The following PCDHA13 variants were observed in gnomAD, a reference collection of about 807,000 sequenced individuals.
PCDHA13 encodes the protein protocadherin alpha-13.
PCDHA13 carries 54 observed loss-of-function variants against 64.8 expected under a neutral mutation model. The observed-to-expected ratio is 0.83, with a 90% CI of 0.67 to 1.04. PCDHA13 has a LOEUF of 1.04. Ranked by LOEUF, PCDHA13 falls within the 50% of genes least tolerant of loss-of-function variation. The pLI, the probability that PCDHA13 is intolerant of heterozygous loss-of-function variation, is 0.00. For synonymous variants in PCDHA13, 587 were observed against 564.4 expected (o/e 1.04, Z -0.57); for missense variants, 1,248 against 1,254.3 (o/e 0.99, Z 0.08).
intron 1 of PCDHA13, among the ~76,000 whole-genome samples, chr5:140,961,185 G>T (rs2095595656): frequency 6.6e-6 from 1 of 152,100 alleles, no homozygotes; most frequent in Non-Finnish European, 1.5e-5. Context: ...ACTCCTCACA[G>T]GACCCTAGTG....
At chr5:140,926,938 G>C in intron 1 of PCDHA13, 1 of 1,581,492 alleles carries the variant, frequency 6.3e-7, no homozygotes. Context: ...GGTTTCCTGC[G>C]GCGCTGCAGC....
intron 1 of PCDHA13, among the ~76,000 whole-genome samples, chr5:140,949,308 G>T (rs1323575169): frequency 6.6e-6 from 1 of 151,722 alleles, no homozygotes; most frequent in African/African-American, 2.4e-5. Flanking sequence ...TGGGTGTAAT[G>T]ATTTATAAAT....
chr5:140,905,632 G>A lies in PCDHA13; in HGVS notation c.2394+20970G>A, dbSNP rs146826869. 9.9e-4 allele frequency among the ~76,000 whole-genome samples: 150 copies of A among 152,224 alleles called. 1 individual carries two copies. Among genetic ancestry groups the A allele is most frequent in the African/African-American group, 3.4e-3 (141 of 41,546 alleles). ...TCTATAGATTGCTTTTGACAGTATG[G>A]TCAGTTTCACAGTATTGATTCCTGT... On this transcript the variant is annotated intron_variant, in intron 1 of 3. Transcript: ENST00000289272.
rs556069691 is a variant in PCDHA13 at position 140,951,526 on chromosome 5, G to A, written c.2395-27423G>A. Among the ~76,000 whole-genome samples the A allele has an allele frequency of 7.4e-4, 112 of 152,076 alleles. 1 individual carries two copies. The highest frequency in any genetic ancestry group is 2.6e-3 in the African/African-American group (107 of 41,516). ...GGAAAGCGGCTCATCTTACATGGCC[G>A]GTGCAGGAGCAAGGGACGGGGGGAA... is the stretch of plus-strand genomic sequence containing the variant. On this transcript the variant is annotated intron_variant, in intron 1 of 3. Transcript: ENST00000289272.
At chr5:141,007,991 A>G (rs1276879326) in intron 3 of PCDHA13, among the ~76,000 whole-genome samples, 1 of 152,234 alleles carries the variant, frequency 6.6e-6, no homozygotes, top group Non-Finnish European at 1.5e-5. Context: ...TATGAAATGT[A>G]CATGTTAATA....
Position 140,966,485 on chromosome 5 carries a change from C to G in PCDHA13, c.2395-12464C>G, listed in dbSNP as rs564574047. 5.5e-4 allele frequency: 237 copies of G among 432,246 alleles called. 1 individual carries two copies. The highest frequency in any genetic ancestry group is 4.6e-3 in the African/African-American group (223 of 48,858). 26.8% of individuals were successfully genotyped at this position (432,246 alleles called of 1,614,324 possible). A position where few individuals can be genotyped will look rare whatever the true frequency, so the allele number is the denominator to read the frequency against. Reference sequence around the variant, plus strand: ...TCTTCCCTTCTGTTTCCTTTTCCCTCCCCCTGGAGCTGTAGCGGCAGCAGC... The same window carrying G: ...TCTTCCCTTCTGTTTCCTTTTCCCTGCCCCTGGAGCTGTAGCGGCAGCAGC... On this transcript the variant is annotated intron_variant, in intron 1 of 3. Transcript: ENST00000289272.
chr5:140,894,374 A>G (rs1449305462), intron 1 of PCDHA13, among the ~76,000 whole-genome samples: 1 of 151,940 alleles, frequency 6.6e-6, no homozygotes, highest in African/African-American at 2.4e-5. Flanking sequence ...AATGGCTCCA[A>G]TTATATTTGT....
intron 1 of PCDHA13, among the ~76,000 whole-genome samples, chr5:140,908,412 T>G (rs2073956005): frequency 6.6e-6 from 1 of 152,212 alleles, no homozygotes; most frequent in South Asian, 2.1e-4. Context: ...TTCCATTTGA[T>G]GATGGAATGC....
chr5:140,963,509 G>A, intron 1 of PCDHA13, among the ~76,000 whole-genome samples: 1 of 152,164 alleles, frequency 6.6e-6, no homozygotes, highest in Non-Finnish European at 1.5e-5. Flanking sequence ...CTCTTGAAGG[G>A]GTTCTCATAA....
intron 1 of PCDHA13, among the ~76,000 whole-genome samples, chr5:140,916,814 G>A (rs1201189287): frequency 3.3e-5 from 5 of 152,112 alleles, no homozygotes; most frequent in African/African-American, 1.2e-4. Context: ...TAGGTCATGT[G>A]CCACCCCTAT....
chr5:140,909,771 C>T (rs907087409), intron 1 of PCDHA13, among the ~76,000 whole-genome samples: 49 of 152,200 alleles, frequency 3.2e-4, no homozygotes, highest in African/African-American at 1.1e-3. Flanking sequence ...TCCAGGGACC[C>T]ACTGGACCCA....
intron 3 of PCDHA13, 32 bp from the exon 4 acceptor site, chr5:141,009,595 C>T (rs781807814): frequency 6.2e-7 from 1 of 1,604,124 alleles, no homozygotes; most frequent in Admixed American, 1.7e-5. Context: ...TGTGTTGACC[C>T]TGTTAATGAT....
intron 1 of PCDHA13, among the ~76,000 whole-genome samples, chr5:140,976,972 C>T (rs969505831): frequency 2.6e-5 from 4 of 152,182 alleles, no homozygotes; most frequent in Non-Finnish European, 5.9e-5. Flanking sequence ...TTCCTTTTCC[C>T]TGCCTGATCT....
chr5:141,000,972 CT>C (rs2097980392), intron 3 of PCDHA13, among the ~76,000 whole-genome samples: 1 of 151,780 alleles, frequency 6.6e-6, no homozygotes, highest in Non-Finnish European at 1.5e-5. Context: ...CTTCATATTC[CT>C]TTTTTATAAA....
intron 1 of PCDHA13, among the ~76,000 whole-genome samples, chr5:140,888,561 G>A (rs2061877783): frequency 6.6e-6 from 1 of 152,156 alleles, no homozygotes; most frequent in South Asian, 2.1e-4. Flanking sequence ...TTCCTTTCAA[G>A]GCTTCATTTT....
chr5:140,982,687 C>T (rs2096996612), intron 3 of PCDHA13, 124 bp downstream of exon 3: 1 of 1,415,822 alleles, frequency 7.1e-7, no homozygotes, highest in Non-Finnish European at 9.3e-7. Flanking sequence ...CCCTTTTTTC[C>T]ATACATACAT....
chr5:140,919,649 T>G (rs1252944920), intron 1 of PCDHA13, among the ~76,000 whole-genome samples: 1 of 152,202 alleles, frequency 6.6e-6, no homozygotes, highest in Non-Finnish European at 1.5e-5. Flanking sequence ...TTCTCTAGAG[T>G]TTACCATATA....
At chr5:140,889,267 A>C (rs1376262292) in intron 1 of PCDHA13, among the ~76,000 whole-genome samples, 1 of 151,966 alleles carries the variant, frequency 6.6e-6, no homozygotes. Context: ...AAGTTTGTAT[A>C]ATCTTTGAAT....
intron 3 of PCDHA13, among the ~76,000 whole-genome samples, chr5:140,987,254 T>C (rs1358606591): frequency 1.3e-5 from 2 of 151,878 alleles, no homozygotes; most frequent in Non-Finnish European, 1.5e-5. Flanking sequence ...AAAGACATTC[T>C]CAGGAATGGG....
Sources: allele counts gnomAD v4.1 joint callset (sites outside exome capture counted in the v4.1 genomes callset), GRCh38; gene constraint gnomAD v4.1.1; transcripts MANE v1.5; gene names NCBI Gene and HGNC (gene_info 2026-07-23, HGNC 2026-07-21).